Variants in FHIT observed in about 807,000 individuals in gnomAD.
The protein encoded by FHIT is fragile histidine triad diadenosine triphosphatase.
A neutral mutation model predicts 17.9 loss-of-function variants in FHIT; 19 were observed. That is an observed-to-expected ratio of 1.06 (90% CI 0.74 to 1.56). FHIT has a LOEUF of 1.56. Ranked by LOEUF, FHIT falls within the 40% of genes most tolerant of loss-of-function variation. The pLI is 0.00. For missense variants in FHIT, 248 were observed against 189.2 expected, an observed-to-expected ratio of 1.31 and a Z score of -1.82; for synonymous variants, 81 against 69.7, an observed-to-expected ratio of 1.16 and a Z score of -0.81.
At chr3:61,033,450 T>G (rs2033103141) in intron 3 of FHIT, among the ~76,000 whole-genome samples, 1 of 152,218 alleles carries the variant, frequency 6.6e-6, no homozygotes, top group African/African-American at 2.4e-5. Context: ...CAATAATTTT[T>G]TATATTGATT....
In FHIT at chr3:60,985,245, G is replaced by A. The variant is rs145368321; in HGVS notation, c.-111+56802C>T. Among the ~76,000 whole-genome samples the A allele has an allele frequency of 4.1e-4, 62 of 152,146 alleles. 1 individual carries two copies. The highest frequency in any genetic ancestry group is 1.3e-3 in the African/African-American group (53 of 41,518). Reference sequence around the variant, plus strand: ...TTGAATGTGTTCTGTGTTTGAATACGTTCTGTGTTTTTTTACTTCTGGACC... The same window carrying A: ...TTGAATGTGTTCTGTGTTTGAATACATTCTGTGTTTTTTTACTTCTGGACC... On this transcript the variant is annotated intron_variant, in intron 3 of 9. Coordinates refer to ENST00000492590, the MANE Select transcript of FHIT (RefSeq NM_002012.4).
intron 2 of FHIT, among the ~76,000 whole-genome samples, chr3:61,098,911 T>A (rs2035730132): frequency 6.6e-6 from 1 of 152,058 alleles, no homozygotes; most frequent in Non-Finnish European, 1.5e-5. Flanking sequence ...TGCACTTTAT[T>A]TCTTTATCTT....
At chr3:60,540,710 A>G (rs2036158919) in intron 4 of FHIT, among the ~76,000 whole-genome samples, 1 of 152,108 alleles carries the variant, frequency 6.6e-6, no homozygotes, top group East Asian at 1.9e-4. Flanking sequence ...TTGTTTAATG[A>G]TTCTAATATT....
At chr3:60,929,654 A>G (rs1181160142) in intron 3 of FHIT, among the ~76,000 whole-genome samples, 1 of 152,226 alleles carries the variant, frequency 6.6e-6, no homozygotes, top group African/African-American at 2.4e-5. Context: ...CCAACTTACA[A>G]GGGATGTGAA....
intron 5 of FHIT, among the ~76,000 whole-genome samples, chr3:60,249,379 A>AAAAC (rs1297979354): frequency 6.6e-6 from 1 of 152,084 alleles, no homozygotes; most frequent in Non-Finnish European, 1.5e-5. Context: ...CCTCCTCCAC[A>AAAAC]AAACCCATGT....
At chr3:61,053,648 C>T (rs1575923490) in intron 2 of FHIT, among the ~76,000 whole-genome samples, 1 of 140,046 alleles carries the variant, frequency 7.1e-6, no homozygotes, top group Non-Finnish European at 1.6e-5. Context: ...GCAACAAGAG[C>T]AAAACTCCGT....
chr3:60,027,131 AC>A (rs1388685916), intron 5 of FHIT, among the ~76,000 whole-genome samples: 7 of 132,138 alleles, frequency 5.3e-5, no homozygotes, highest in South Asian at 2.6e-4. Context: ...ACACACACAC[AC>A]ACACACACAC....
intron 4 of FHIT, among the ~76,000 whole-genome samples, chr3:60,561,238 A>G (rs1217556960): frequency 1.3e-5 from 2 of 152,102 alleles, no homozygotes; most frequent in African/African-American, 4.8e-5. Flanking sequence ...GGTAGGACTG[A>G]AATGTGGGCC....
chr3:60,966,426 C>T (rs984572621), intron 3 of FHIT, among the ~76,000 whole-genome samples: 3 of 152,106 alleles, frequency 2.0e-5, no homozygotes, highest in Admixed American at 6.5e-5. Flanking sequence ...GCTCATGCTC[C>T]GTGGGCTGCA....
intron 3 of FHIT, among the ~76,000 whole-genome samples, chr3:60,945,262 A>G (rs1458984030): frequency 6.6e-6 from 1 of 152,176 alleles, no homozygotes; most frequent in African/African-American, 2.4e-5. Flanking sequence ...AAGAAAACCA[A>G]TGTCAACAGA....
intron 3 of FHIT, among the ~76,000 whole-genome samples, chr3:60,961,680 T>C (rs1468765060): frequency 2.0e-5 from 3 of 152,342 alleles, no homozygotes; most frequent in East Asian, 1.9e-4. Flanking sequence ...ACTTATTAAA[T>C]AGGAAATCCT....
intron 1 of FHIT, among the ~76,000 whole-genome samples, chr3:61,202,644 C>A (rs1244689977): frequency 6.6e-6 from 1 of 151,986 alleles, no homozygotes; most frequent in Non-Finnish European, 1.5e-5. Flanking sequence ...TGCATACTTT[C>A]ATATATCAGA....
At chr3:61,174,574 C>G (rs1277381759) in intron 2 of FHIT, among the ~76,000 whole-genome samples, 1 of 152,182 alleles carries the variant, frequency 6.6e-6, no homozygotes, top group Non-Finnish European at 1.5e-5. Context: ...TGATTAACTT[C>G]CAAATGAAAA....
chr3:59,810,402 C>T (rs1700368450), intron 8 of FHIT, among the ~76,000 whole-genome samples: 1 of 152,214 alleles, frequency 6.6e-6, no homozygotes, highest in African/African-American at 2.4e-5. Context: ...AGGGCAGCTC[C>T]TCAGAGTGAC....
At chr3:61,250,107 G>A (rs563953298) in intron 1 of FHIT, among the ~76,000 whole-genome samples, 91 of 152,328 alleles carry the variant, frequency 6.0e-4, no homozygotes, top group Non-Finnish European at 1.1e-3. Flanking sequence ...TCAAGCGGCT[G>A]CTCTACAGAA....
chr3:59,961,725 G>A (rs748730333), intron 7 of FHIT, among the ~76,000 whole-genome samples: 26 of 152,198 alleles, frequency 1.7e-4, no homozygotes, highest in East Asian at 3.9e-4. Context: ...GCTTCCCCTC[G>A]CCCCCTGTGG....
chr3:61,087,757 C>T (rs2035351459), intron 2 of FHIT, among the ~76,000 whole-genome samples: 1 of 152,110 alleles, frequency 6.6e-6, no homozygotes, highest in African/African-American at 2.4e-5. Flanking sequence ...TAGATACAGC[C>T]TTTATCACTT....
chr3:60,002,795 T>C (rs2107503829), intron 7 of FHIT, among the ~76,000 whole-genome samples: 1 of 152,256 alleles, frequency 6.6e-6, no homozygotes, highest in African/African-American at 2.4e-5. Flanking sequence ...GAGAAGCGCC[T>C]GAGGGGACTG....
intron 5 of FHIT, among the ~76,000 whole-genome samples, chr3:60,475,887 C>G (rs1373162232): frequency 6.6e-6 from 1 of 152,086 alleles, no homozygotes; most frequent in Non-Finnish European, 1.5e-5. Flanking sequence ...TTCCAGTCCC[C>G]TTCAGCGTAT....
Sources: allele counts gnomAD v4.1 joint callset (sites outside exome capture counted in the v4.1 genomes callset), GRCh38; gene constraint gnomAD v4.1.1; transcripts MANE v1.5; gene names NCBI Gene and HGNC (gene_info 2026-07-23, HGNC 2026-07-21).